TMEM117: variants seen among roughly 807,000 people sequenced by gnomAD.
The protein encoded by TMEM117 is transmembrane protein 117.
TMEM117 carries 27 observed loss-of-function variants against 52.4 expected under a neutral mutation model. The ratio of observed to expected loss-of-function variants is 0.51; its 90% CI spans 0.38 to 0.71. The LOEUF is 0.71. Ranked by LOEUF, TMEM117 falls within the 30% of genes least tolerant of loss-of-function variation. TMEM117 has a pLI of 0.00. For synonymous variants in TMEM117, 215 were observed against 206.3 expected (o/e 1.04, Z -0.36); for missense variants, 556 against 630.5 (o/e 0.88, Z 1.26).
intron 2 of TMEM117, among the ~76,000 whole-genome samples, chr12:43,925,562 A>G (rs899301701): frequency 1.3e-5 from 2 of 151,986 alleles, no homozygotes; most frequent in African/African-American, 4.8e-5. Context: ...TTAGGACTCC[A>G]CCTCGTCAGT....
At chr12:43,904,882 G>T (rs941607102) in intron 2 of TMEM117, among the ~76,000 whole-genome samples, 1 of 152,196 alleles carries the variant, frequency 6.6e-6, no homozygotes, top group Non-Finnish European at 1.5e-5. Flanking sequence ...GGTGGCTCAC[G>T]CCTGTAATCC....
chr12:43,989,220 T>C (rs750103364), intron 3 of TMEM117, among the ~76,000 whole-genome samples: 1 of 152,142 alleles, frequency 6.6e-6, no homozygotes, highest in Non-Finnish European at 1.5e-5. Context: ...ACTTTATGCC[T>C]TCCAACTTTA....
intron 5 of TMEM117, among the ~76,000 whole-genome samples, chr12:44,272,698 G>T (rs372200182): frequency 6.6e-6 from 1 of 152,052 alleles, no homozygotes; most frequent in Non-Finnish European, 1.5e-5. Context: ...TTAGAATGGC[G>T]ATCATTAAAA....
chr12:44,332,104 C>T (rs183870316), intron 6 of TMEM117, among the ~76,000 whole-genome samples: 143 of 152,044 alleles, frequency 9.4e-4, no homozygotes, highest in Non-Finnish European at 1.3e-3. Flanking sequence ...GTATGTAAAC[C>T]AAGTCCCAGA....
chr12:43,981,938 A>G (rs373476477), intron 3 of TMEM117, among the ~76,000 whole-genome samples: 1 of 152,108 alleles, frequency 6.6e-6, no homozygotes, highest in African/African-American at 2.4e-5. Context: ...GTGGTGTTCT[A>G]TTGCACAGTA....
chr12:44,040,071 T>TCTCCTA (rs991019992), intron 3 of TMEM117, among the ~76,000 whole-genome samples: 1 of 152,294 alleles, frequency 6.6e-6, no homozygotes, highest in African/African-American at 2.4e-5. Flanking sequence ...TTTGCTGATT[T>TCTCCTA]CCATGCTGTA....
intron 5 of TMEM117, among the ~76,000 whole-genome samples, chr12:44,290,869 A>C (rs76563469): frequency 0.032 from 4,912 of 152,210 alleles, 269 homozygotes; most frequent in African/African-American, 0.11. Context: ...TGGAACTTCC[A>C]ATCTCAAGAT....
intron 6 of TMEM117, among the ~76,000 whole-genome samples, chr12:44,362,087 C>T (rs1451807652): frequency 6.6e-6 from 1 of 152,138 alleles, no homozygotes; most frequent in Non-Finnish European, 1.5e-5. Flanking sequence ...TCCTTTCTTC[C>T]AAGATGCCTC....
At chr12:43,981,261 A>T (rs1469545191) in intron 3 of TMEM117, among the ~76,000 whole-genome samples, 1 of 152,202 alleles carries the variant, frequency 6.6e-6, no homozygotes, top group Non-Finnish European at 1.5e-5. Flanking sequence ...CACTTGAATA[A>T]AGGCTTTTCT....
intron 3 of TMEM117, among the ~76,000 whole-genome samples, chr12:44,102,113 T>A (rs1947871376): frequency 6.6e-6 from 1 of 151,970 alleles, no homozygotes; most frequent in South Asian, 2.1e-4. Context: ...GGAACAATTA[T>A]TCAGCCAAGA....
intron 4 of TMEM117, among the ~76,000 whole-genome samples, chr12:44,188,540 T>C (rs1355704418): frequency 6.6e-6 from 1 of 152,154 alleles, no homozygotes; most frequent in Non-Finnish European, 1.5e-5. Context: ...CAGAGGTCAG[T>C]GGATAGATAG....
intron 3 of TMEM117, among the ~76,000 whole-genome samples, chr12:44,129,818 C>T (rs946031082): frequency 2.0e-5 from 3 of 152,156 alleles, no homozygotes; most frequent in African/African-American, 7.2e-5. Flanking sequence ...AATCTAGTTT[C>T]CAAATGTGAA....
intron 2 of TMEM117, among the ~76,000 whole-genome samples, chr12:43,845,401 C>T (rs1241801625): frequency 1.5e-5 from 2 of 131,370 alleles, no homozygotes; most frequent in African/African-American, 6.2e-5. Context: ...GCGGAGGTTG[C>T]AGTGAGCCAA....
At chr12:44,352,624 C>A (rs1264236991) in intron 6 of TMEM117, among the ~76,000 whole-genome samples, 1 of 152,082 alleles carries the variant, frequency 6.6e-6, no homozygotes, top group Non-Finnish European at 1.5e-5. Flanking sequence ...AGGACATGAA[C>A]TCATCATTTT....
rs1017529240 is a variant in TMEM117 at position 44,101,512 on chromosome 12, C to T, written c.411-42013C>T. Among the ~76,000 whole-genome samples the T allele has an allele frequency of 4.7e-4, 71 of 151,960 alleles. 1 individual carries two copies. Among genetic ancestry groups the T allele is most frequent in the Non-Finnish European group, 1.3e-4 (9 of 67,888 alleles). On this transcript the variant is annotated intron_variant, in intron 3 of 7. Coordinates refer to ENST00000266534, the MANE Select transcript of TMEM117 (RefSeq NM_032256.3). ...CATCACTTCTCACCTGGTTTACTTC[C>T]GGAGACTCCCAATATCCTCATAGCT...
chr12:43,855,016 C>T (rs1318181319), intron 2 of TMEM117, among the ~76,000 whole-genome samples: 3 of 152,290 alleles, frequency 2.0e-5, no homozygotes, highest in African/African-American at 7.2e-5. Context: ...TTTAAGGTCA[C>T]CCTGCTAAAT....
intron 4 of TMEM117, among the ~76,000 whole-genome samples, chr12:44,165,049 A>G (rs979452925): frequency 6.6e-5 from 10 of 151,220 alleles, no homozygotes; most frequent in Admixed American, 4.0e-4. Context: ...CCATTAACCA[A>G]CCTCTCTCTG....
At chr12:43,865,826 A>C (rs946941469) in intron 2 of TMEM117, among the ~76,000 whole-genome samples, 1 of 151,970 alleles carries the variant, frequency 6.6e-6, no homozygotes, top group African/African-American at 2.4e-5. Flanking sequence ...TAGCCAAATC[A>C]GGCCTTCACC....
intron 2 of TMEM117, among the ~76,000 whole-genome samples, chr12:43,869,905 C>T (rs1943673564): frequency 6.6e-6 from 1 of 152,172 alleles, no homozygotes; most frequent in African/African-American, 2.4e-5. Context: ...TCCTGATCCT[C>T]TCCCTTCTCC....
Sources: allele counts gnomAD v4.1 joint callset (sites outside exome capture counted in the v4.1 genomes callset), GRCh38; gene constraint gnomAD v4.1.1; transcripts MANE v1.5; gene names NCBI Gene and HGNC (gene_info 2026-07-23, HGNC 2026-07-21).